CCR3: variants seen among roughly 807,000 people sequenced by gnomAD.
CCR3 encodes C-C motif chemokine receptor 3.
For synonymous variants in CCR3, 203 were observed against 179.2 expected, an observed-to-expected ratio of 1.13 and a Z score of -1.06; for missense variants, 419 against 437.5, an observed-to-expected ratio of 0.96 and a Z score of 0.38.
chr3:46,231,319 A>G (rs940166463), intron 2 of CCR3, among the ~76,000 whole-genome samples: 1 of 152,250 alleles, frequency 6.6e-6, no homozygotes, highest in African/African-American at 2.4e-5. Flanking sequence ...CCCTCCCTAC[A>G]TGACTTTCTG....
rs200404062 is a variant in CCR3 at position 46,265,425 on chromosome 3, C to T, written c.267C>T (p.Phe89=). Residue 89 remains phenylalanine (F), a synonymous_variant, in exon 2 of 2, where the codon TTC becomes TTT. Transcript: ENST00000395940. ...SDLLFLVTLP[F]WIHYVRGHNW... ...TGCTCTTCCTCGTCACCCTTCCATTCTGGATCCACTATGTCAGGGGGCATA... is the reference window on the plus strand; with the variant it reads ...TGCTCTTCCTCGTCACCCTTCCATTTTGGATCCACTATGTCAGGGGGCATA... The T allele has an allele frequency of 5.6e-6, 9 of 1,614,100 alleles. No individual in the cohort carries two copies. Among genetic ancestry groups the T allele is most frequent in the Non-Finnish European group, 6.8e-6 (8 of 1,180,032 alleles).
intron 1 of CCR3, among the ~76,000 whole-genome samples, chr3:46,260,444 AT>A (rs1258647174): frequency 6.6e-6 from 1 of 152,246 alleles, no homozygotes; most frequent in Non-Finnish European, 1.5e-5. Flanking sequence ...TACTTCCTAG[AT>A]ACAATGAGGG....
upstream of CCR3, among the ~76,000 whole-genome samples, chr3:46,238,563 G>A (rs1297118768): frequency 1.3e-5 from 2 of 152,116 alleles, no homozygotes; most frequent in Admixed American, 6.5e-5. Context: ...GAGGATTTAC[G>A]GAATTTGGCT....
Position 46,213,244 on chromosome 3 carries a change from A to C in CCR3, c.-68+2337A>C, listed in dbSNP as rs144163255. ...TCGTCCAAGGTGCTCTCACTCCCAC[A>C]TCTAGGGTTGGGGCCAGCTGTCAAC... On this transcript the variant is annotated intron_variant, in intron 2 of 3. Coordinates refer to the CCR3 transcript ENST00000357422. Among the ~76,000 whole-genome samples, 366 of 152,322 alleles carry C rather than the reference A, an allele frequency of 2.4e-3. 2 individuals carry two copies. The highest frequency in any genetic ancestry group is 6.8e-3 in the Middle Eastern group (2 of 294).
At chr3:46,236,741 G>A (rs1476327095) in intron 2 of CCR3, among the ~76,000 whole-genome samples, 1 of 152,196 alleles carries the variant, frequency 6.6e-6, no homozygotes, top group Non-Finnish European at 1.5e-5. Context: ...GGACCCTAGT[G>A]GGAAGAGAGG....
At chr3:46,248,686 C>T in intron 1 of CCR3, among the ~76,000 whole-genome samples, 1 of 152,154 alleles carries the variant, frequency 6.6e-6, no homozygotes, top group Non-Finnish European at 1.5e-5. Flanking sequence ...TGTGGCAGTA[C>T]AGCCCAGGTA....
At chr3:46,259,115 T>C (rs1700478879) in intron 1 of CCR3, among the ~76,000 whole-genome samples, 1 of 152,338 alleles carries the variant, frequency 6.6e-6, no homozygotes, top group East Asian at 1.9e-4. Context: ...AAGATGTTCA[T>C]ATACAAGCTG....
intron 1 of CCR3, among the ~76,000 whole-genome samples, chr3:46,246,896 A>G (rs374381900): frequency 6.6e-6 from 1 of 151,954 alleles, no homozygotes; most frequent in East Asian, 1.9e-4. Flanking sequence ...GATTAAGCTG[A>G]AGGGAGGTCT....
At position 46,265,600 on chromosome 3, in the gene CCR3, A is replaced by T. The variant is rs1700610561; in HGVS notation, c.442A>T (p.Thr148Ser). 6.2e-7 allele frequency: 1 copy of T among 1,614,030 alleles called. No homozygotes were observed. Among genetic ancestry groups the T allele is most frequent in the Non-Finnish European group, 8.5e-7 (1 of 1,179,990 alleles). Residue 148 changes from threonine to serine, a missense_variant, in exon 2 of 2, where the codon ACT becomes TCT. By Grantham distance (58) the Thr-to-Ser change is moderately conservative. Transcript: ENST00000395940. ...GTTTGCCCTTCGAGCCCGGACTGTC[A>T]CTTTTGGTGTCATCACCAGCATCGT... ...AVFALRARTV[T>S]FGVITSIVTW...
intron 2 of CCR3, among the ~76,000 whole-genome samples, chr3:46,236,411 T>G (rs995557991): frequency 3.3e-5 from 5 of 152,244 alleles, no homozygotes; most frequent in African/African-American, 1.2e-4. Context: ...ACCAGCCCCA[T>G]CGACAGGCTC....
At chr3:46,260,705 T>C (rs1700509326) in intron 1 of CCR3, among the ~76,000 whole-genome samples, 1 of 152,236 alleles carries the variant, frequency 6.6e-6, no homozygotes, top group African/African-American at 2.4e-5. Flanking sequence ...AACTCTATTT[T>C]CTTAAGTAAT....
intron 2 of CCR3, among the ~76,000 whole-genome samples, chr3:46,232,083 C>G (rs1246468977): frequency 1.3e-5 from 2 of 152,114 alleles, no homozygotes; most frequent in Non-Finnish European, 1.5e-5. Flanking sequence ...ATTTCTAAAT[C>G]ATTGTTCAAT....
chr3:46,218,750 C>G (rs1444066402), intron 2 of CCR3, among the ~76,000 whole-genome samples: 1 of 152,076 alleles, frequency 6.6e-6, no homozygotes, highest in African/African-American at 2.4e-5. Flanking sequence ...TCAATAGATT[C>G]AGAAAAAGTA....
intron 1 of CCR3, among the ~76,000 whole-genome samples, chr3:46,261,189 CTT>C (rs2125935058): frequency 6.6e-6 from 1 of 152,244 alleles, no homozygotes; most frequent in African/African-American, 2.4e-5. Context: ...TCCACCCAAA[CTT>C]ATGTTTTTAT....
At chr3:46,221,681 G>A (rs560010610) in intron 2 of CCR3, among the ~76,000 whole-genome samples, 166 of 151,262 alleles carry the variant, frequency 1.1e-3, no homozygotes, top group African/African-American at 3.8e-3. Context: ...TATTCTGCGG[G>A]GTGGGCTATT....
intron 2 of CCR3, among the ~76,000 whole-genome samples, chr3:46,227,659 G>A (rs553019752): frequency 1.5e-4 from 23 of 152,216 alleles, no homozygotes; most frequent in Admixed American, 7.2e-4. Flanking sequence ...AGAATTTAGC[G>A]CTGCATATTT....
chr3:46,250,452 G>A (rs1456924319), intron 1 of CCR3, among the ~76,000 whole-genome samples: 1 of 152,152 alleles, frequency 6.6e-6, no homozygotes, highest in Non-Finnish European at 1.5e-5. Flanking sequence ...TTTGGGACAA[G>A]TTGCACTGGG....
intron 1 of CCR3, among the ~76,000 whole-genome samples, chr3:46,242,982 C>CGTAT (rs1553644087): frequency 1.0e-5 from 1 of 99,326 alleles, no homozygotes; most frequent in African/African-American, 4.6e-5. Context: ...TATATATACA[C>CGTAT]ATATATATAT....
At chr3:46,228,666 G>A (rs1699929983) in intron 2 of CCR3, among the ~76,000 whole-genome samples, 2 of 152,248 alleles carry the variant, frequency 1.3e-5, no homozygotes, top group Non-Finnish European at 2.9e-5. Context: ...AACAGCACAG[G>A]CTTAGGAATT....
Sources: gnomAD v4.1 joint callset for allele counts (sites outside exome capture counted in the v4.1 genomes callset) on GRCh38, gnomAD v4.1.1 for gene constraint, MANE v1.5 for transcripts, NCBI Gene and HGNC (gene_info 2026-07-23, HGNC 2026-07-21) for gene names.